NEK1: variants seen among roughly 807,000 people sequenced by gnomAD.
NEK1 encodes NIMA related kinase 1, also known as serine/threonine-protein kinase Nek1.
In NEK1, 137 loss-of-function variants were observed where a neutral mutation model predicts 182.1. The ratio of observed to expected loss-of-function variants is 0.75; its 90% CI spans 0.65 to 0.87. The LOEUF (loss-of-function observed/expected upper bound fraction) is 0.87, where lower values mean the gene tolerates loss of function less well. Ranked by LOEUF, NEK1 falls within the 40% of genes least tolerant of loss-of-function variation. The probability of loss-of-function intolerance (pLI) is 0.00; values close to 1 mark genes in which losing one functional copy is unlikely to be tolerated. For missense variants in NEK1, 1,391 were observed against 1,494.4 expected (o/e 0.93, Z 1.14); for synonymous variants, 513 against 492.2 (o/e 1.04, Z -0.56).
intron 12 of NEK1, among the ~76,000 whole-genome samples, chr4:169,569,774 G>A (rs1435408321): frequency 6.6e-6 from 1 of 152,082 alleles, no homozygotes; most frequent in Non-Finnish European, 1.5e-5. Context: ...GATTGCAGAC[G>A]GAGTCTCGTT....
At chr4:169,399,619 T>C (rs1055468224) in intron 35 of NEK1, among the ~76,000 whole-genome samples, 1 of 152,078 alleles carries the variant, frequency 6.6e-6, no homozygotes, top group Non-Finnish European at 1.5e-5. Flanking sequence ...ATCTTCTTTA[T>C]TTTTATTTAT....
intron 19 of NEK1, among the ~76,000 whole-genome samples, chr4:169,531,069 T>C (rs28744483): frequency 0.089 from 13,434 of 151,518 alleles, 781 homozygotes; most frequent in African/African-American, 0.16. Flanking sequence ...GCAGAGAATA[T>C]TGGCATTTAA....
At position 169,561,662 on chromosome 4, in the gene NEK1, T is replaced by C. The variant is rs775204817; in HGVS notation, c.1191+25A>G. ...ATCAGTGTATTCCTTAAGAAAAAAG[T>C]ATATTTAATAGATTATCCTCTTACC... On this transcript the variant is annotated intron_variant, in intron 15 of 35. Transcript: ENST00000507142. 65 of 1,566,358 alleles carry C rather than the reference T, an allele frequency of 4.1e-5. 3 individuals carry two copies. In the South Asian group the frequency reaches 7.2e-4, roughly 17 times the overall value.
At chr4:169,510,969 T>G (rs1209126592) in intron 19 of NEK1, among the ~76,000 whole-genome samples, 1 of 152,164 alleles carries the variant, frequency 6.6e-6, no homozygotes, top group East Asian at 1.9e-4. Flanking sequence ...CCTCTCACAG[T>G]AGCACTCATT....
intron 2 of NEK1, among the ~76,000 whole-genome samples, chr4:169,610,114 G>A (rs1332526709): frequency 6.7e-6 from 1 of 149,236 alleles, no homozygotes; most frequent in Admixed American, 6.7e-5. Context: ...TGATTCCCCT[G>A]CCTCAGCCTC....
rs1048943846 is a variant in NEK1, at chr4:169,537,990, T to A, written c.1563-79A>T. ...AGTTAAAAATTACATTTATCCTAAA[T>A]TTTTTTTTCATTTCAGAATATGAAG... On this transcript the variant is annotated intron_variant, in intron 18 of 35. Transcript: ENST00000507142. The A allele has an allele frequency of 1.6e-5, 16 of 970,866 alleles. 1 individual carries two copies. Among genetic ancestry groups the A allele is most frequent in the Non-Finnish European group, 2.3e-5 (15 of 665,436 alleles). 60.1% of individuals were successfully genotyped at this position (970,866 alleles called of 1,614,324 possible).
intron 5 of NEK1, among the ~76,000 whole-genome samples, chr4:169,592,224 A>T (rs1410390909): frequency 2.6e-5 from 4 of 152,218 alleles, no homozygotes; most frequent in Non-Finnish European, 4.4e-5. Flanking sequence ...TTTCAATTTC[A>T]AATTTATCCT....
chr4:169,527,895 A>AT (rs964419498), intron 19 of NEK1, among the ~76,000 whole-genome samples: 7 of 152,156 alleles, frequency 4.6e-5, no homozygotes, highest in African/African-American at 1.7e-4. Flanking sequence ...GTTAGACTAC[A>AT]TTTTTTAAAA....
intron 29 of NEK1, among the ~76,000 whole-genome samples, chr4:169,428,422 C>CA (rs1005183705): frequency 6.4e-5 from 9 of 139,980 alleles, no homozygotes; most frequent in African/African-American, 2.3e-4. Context: ...GCATATCCTA[C>CA]AACATGGATG....
chr4:169,412,080 T>C (rs1373841253), intron 31 of NEK1, among the ~76,000 whole-genome samples: 1 of 152,230 alleles, frequency 6.6e-6, no homozygotes, highest in African/African-American at 2.4e-5. Flanking sequence ...TTTTTGTCTG[T>C]TTTCCTCACT....
At chr4:169,449,239 C>A (rs1741227175) in intron 27 of NEK1, among the ~76,000 whole-genome samples, 1 of 151,834 alleles carries the variant, frequency 6.6e-6, no homozygotes, top group Non-Finnish European at 1.5e-5. Flanking sequence ...CATAGCTGAA[C>A]AAAAGGCAGC....
intron 23 of NEK1, among the ~76,000 whole-genome samples, chr4:169,488,733 C>T (rs573260222): frequency 6.6e-6 from 1 of 152,234 alleles, no homozygotes; most frequent in Non-Finnish European, 1.5e-5. Context: ...ATTCTGAATT[C>T]CATGTTAACC....
chr4:169,575,657 A>T (rs1187647399), intron 12 of NEK1, among the ~76,000 whole-genome samples: 1 of 152,158 alleles, frequency 6.6e-6, no homozygotes, highest in Non-Finnish European at 1.5e-5. Flanking sequence ...GTGGCTTCCC[A>T]GTACATTCTA....
At chr4:169,536,872 T>C (rs1758591026) in intron 19 of NEK1, among the ~76,000 whole-genome samples, 1 of 152,172 alleles carries the variant, frequency 6.6e-6, no homozygotes, top group African/African-American at 2.4e-5. Context: ...GATACAAATA[T>C]AGATTAATTC....
intron 31 of NEK1, among the ~76,000 whole-genome samples, chr4:169,421,432 C>A (rs1332052469): frequency 6.6e-6 from 1 of 152,050 alleles, no homozygotes; most frequent in Non-Finnish European, 1.5e-5. Flanking sequence ...GGCTATGTCC[C>A]CACCCAAATC....
At chr4:169,566,998 GGT>G (rs1429777880) in intron 12 of NEK1, among the ~76,000 whole-genome samples, 1 of 152,030 alleles carries the variant, frequency 6.6e-6, no homozygotes, top group East Asian at 1.9e-4. Flanking sequence ...GGGAGGCAGA[GGT>G]GATTGCTTGA....
intron 12 of NEK1, among the ~76,000 whole-genome samples, chr4:169,571,327 A>AACT (rs1422545262): frequency 6.6e-6 from 1 of 152,156 alleles, no homozygotes; most frequent in Admixed American, 6.5e-5. Flanking sequence ...ATTTGCCAGG[A>AACT]ACTAGTGAAC....
At chr4:169,605,610 A>C (rs1348988911) in intron 2 of NEK1, among the ~76,000 whole-genome samples, 9 of 152,240 alleles carry the variant, frequency 5.9e-5, no homozygotes, top group Admixed American at 2.0e-4. Flanking sequence ...AAACAATAAC[A>C]AATTGTACTA....
At chr4:169,432,319 CAGG>C (rs1737593495) in intron 29 of NEK1, among the ~76,000 whole-genome samples, 2 of 152,118 alleles carry the variant, frequency 1.3e-5, no homozygotes, top group South Asian at 4.1e-4. Context: ...GTACAACCTC[CAGG>C]AGAACAATAA....
Sources: allele counts gnomAD v4.1 joint callset (sites outside exome capture counted in the v4.1 genomes callset), GRCh38; gene constraint gnomAD v4.1.1; transcripts MANE v1.5; gene names NCBI Gene and HGNC (gene_info 2026-07-23, HGNC 2026-07-21).